OR1L8: variants seen among roughly 807,000 people sequenced by gnomAD.
OR1L8 encodes olfactory receptor family 1 subfamily L member 8, also known as olfactory receptor 1L8.
For missense variants in OR1L8, 330 were observed against 377.4 expected, an observed-to-expected ratio of 0.87 and a Z score of 1.04; for synonymous variants, 148 against 147.0, an observed-to-expected ratio of 1.01 and a Z score of -0.05.
At chr9:122,547,529 T>A in the OR1L8 span, among the ~76,000 whole-genome samples, 11 of 151,366 alleles carry the variant, frequency 7.3e-5, no homozygotes, top group Non-Finnish European at 1.5e-4. Context: ...CTCAGCCCCC[T>A]CCCACCTTCC....
At chr9:122,550,331 C>T in the OR1L8 span, among the ~76,000 whole-genome samples, 3 of 142,028 alleles carry the variant, frequency 2.1e-5, no homozygotes, top group Non-Finnish European at 4.6e-5. Flanking sequence ...ATACAAAGAA[C>T]TGGTACCAGT....
chr9:122,579,424 G>A (rs754387868), intron 1 of OR1L8, among the ~76,000 whole-genome samples: 15 of 151,982 alleles, frequency 9.9e-5, no homozygotes, highest in Middle Eastern at 3.2e-3. Flanking sequence ...AGATAAAGTC[G>A]CTCTTTCTCT....
intron 3 of OR1L8, among the ~76,000 whole-genome samples, chr9:122,574,797 G>A (rs963994402): frequency 1.3e-5 from 2 of 152,014 alleles, no homozygotes; most frequent in Non-Finnish European, 2.9e-5. Context: ...CTAGTTTCTC[G>A]CCATCATGTA....
the OR1L8 span, among the ~76,000 whole-genome samples, chr9:122,548,774 C>A: frequency 9.0e-6 from 1 of 110,542 alleles, no homozygotes; most frequent in Non-Finnish European, 1.8e-5. Context: ...CAACAGGCCC[C>A]GGTGTGTGAT....
chr9:122,552,812 G>A, the OR1L8 span, among the ~76,000 whole-genome samples: 1 of 150,354 alleles, frequency 6.7e-6, no homozygotes, highest in African/African-American at 2.5e-5. Context: ...GGAGGGGTAG[G>A]AGTTTGATGG....
intron 3 of OR1L8, among the ~76,000 whole-genome samples, chr9:122,575,324 T>C (rs1829634293): frequency 6.6e-6 from 1 of 152,152 alleles, no homozygotes; most frequent in Non-Finnish European, 1.5e-5. Flanking sequence ...GGCCTAGTGC[T>C]TTCTGCTTTG....
At chr9:122,553,984 T>C in the OR1L8 span, 3 of 1,613,668 alleles carry the variant, frequency 1.9e-6, no homozygotes, top group South Asian at 3.3e-5. Flanking sequence ...TATGGGTCTC[T>C]TATGGGTGTG....
At chr9:122,574,377 T>G (rs1235158944) in intron 3 of OR1L8, among the ~76,000 whole-genome samples, 1 of 152,162 alleles carries the variant, frequency 6.6e-6, no homozygotes. Flanking sequence ...TTCATCATGG[T>G]TTTGTGGTAA....
At chr9:122,569,831 G>A (rs1420875404) in intron 4 of OR1L8, among the ~76,000 whole-genome samples, 2 of 134,846 alleles carry the variant, frequency 1.5e-5, no homozygotes, top group African/African-American at 5.7e-5. Flanking sequence ...CCTCCCCCCT[G>A]CCCCCACCCC....
chr9:122,562,570 C>T (rs894006073), downstream of OR1L8, among the ~76,000 whole-genome samples: 3 of 152,152 alleles, frequency 2.0e-5, no homozygotes, highest in Admixed American at 2.0e-4. Context: ...TGGGGACTCC[C>T]CTGCCCTGTG....
At chr9:122,580,371 G>A (rs886344836) in intron 1 of OR1L8, among the ~76,000 whole-genome samples, 25 of 152,182 alleles carry the variant, frequency 1.6e-4, no homozygotes, top group Admixed American at 1.4e-3. Flanking sequence ...CTAGAATGCG[G>A]TCAGAATGAA....
At chr9:122,581,654 A>G (rs1016936719) in intron 1 of OR1L8, among the ~76,000 whole-genome samples, 1 of 152,000 alleles carries the variant, frequency 6.6e-6, no homozygotes, top group South Asian at 2.1e-4. Flanking sequence ...TTCTTTAAAA[A>G]TAAAGACAGA....
chr9:122,565,049 G>A (rs1829407356), downstream of OR1L8, among the ~76,000 whole-genome samples: 1 of 152,180 alleles, frequency 6.6e-6, no homozygotes, highest in Admixed American at 6.5e-5. Context: ...ACTTCCTCGT[G>A]AAATTTATAG....
At chr9:122,556,505 C>A in the OR1L8 span, among the ~76,000 whole-genome samples, 1 of 151,704 alleles carries the variant, frequency 6.6e-6, no homozygotes, top group African/African-American at 2.4e-5. Context: ...TAGTGTCCAC[C>A]GGGGCCTGTT....
chr9:122,557,434 G>A, the OR1L8 span, among the ~76,000 whole-genome samples: 3 of 151,940 alleles, frequency 2.0e-5, no homozygotes, highest in Admixed American at 6.6e-5. Context: ...TTGGATTTTT[G>A]TGAAGTGCTT....
At chr9:122,550,803 G>C in the OR1L8 span, among the ~76,000 whole-genome samples, 130 of 151,824 alleles carry the variant, frequency 8.6e-4, no homozygotes, top group African/African-American at 2.9e-3. Context: ...ATACTGAATG[G>C]GGGAAAGCTG....
chr9:122,564,778 C>A (rs111652359), downstream of OR1L8, among the ~76,000 whole-genome samples: 2 of 152,282 alleles, frequency 1.3e-5, no homozygotes, highest in African/African-American at 4.8e-5. Context: ...TCTGTAATGC[C>A]CACCAGAAGC....
the OR1L8 span, among the ~76,000 whole-genome samples, chr9:122,556,482 G>C: frequency 6.6e-6 from 1 of 151,952 alleles, no homozygotes; most frequent in Non-Finnish European, 1.5e-5. Flanking sequence ...AATTACTGCA[G>C]GCTTACAGTA....
Position 122,578,919 on chromosome 9 carries a change from A to G in OR1L8, c.-599-474T>C, listed in dbSNP as rs187697161. On this transcript the variant is annotated intron_variant, in intron 1 of 4. Transcript: ENST00000641027. ...AACGAACTTAAACATGTAACCAAAC[A>G]CCACCTGTTCCCCAAAAACCTAAAA... 6.8e-4 allele frequency among the ~76,000 whole-genome samples: 103 copies of G among 152,152 alleles called. 2 individuals are homozygous for G. Among genetic ancestry groups the G allele is most frequent in the African/African-American group, 2.5e-3 (102 of 41,502 alleles).
Sources: gnomAD v4.1 joint callset for allele counts (sites outside exome capture counted in the v4.1 genomes callset) on GRCh38, gnomAD v4.1.1 for gene constraint, MANE v1.5 for transcripts, NCBI Gene and HGNC (gene_info 2026-07-23, HGNC 2026-07-21) for gene names.